CSPG5: variants seen among roughly 807,000 people sequenced by gnomAD.
CSPG5 encodes the protein acidic leucine-rich EGF-like domain-containing brain protein.
Under a neutral mutation model 39.8 loss-of-function variants are expected in CSPG5, and 25 were observed. The ratio of observed to expected loss-of-function variants is 0.63; its 90% CI spans 0.46 to 0.88. CSPG5 has a LOEUF of 0.88. Ranked by LOEUF, CSPG5 falls within the 40% of genes least tolerant of loss-of-function variation. The pLI, the probability that CSPG5 is intolerant of heterozygous loss-of-function variation, is 0.00. For missense variants in CSPG5, 627 were observed against 702.2 expected (o/e 0.89, Z 1.21); for synonymous variants, 295 against 303.9 (o/e 0.97, Z 0.31).
chr3:47,577,413 A>G lies in CSPG5; in HGVS notation c.613T>C (p.Ser205Pro). ...AAGTAGTCGATGTCAATGATATCTG[A>G]TGCCGGTTGGGGCTCCAGGGTGCCC... Reference protein sequence around the residue: ...FQGTLEPQPASDIIDIDYFEG... With the variant: ...FQGTLEPQPAPDIIDIDYFEG... Residue 205 changes from serine (S) to proline (P), a missense_variant, in exon 2 of 5, where the codon TCA becomes CCA. By Grantham distance (74) the Ser-to-Pro change is moderately conservative. Transcript: ENST00000264723. The surrounding 1 kb of genome is among the most constrained non-coding windows in gnomAD (Gnocchi z 4.7). 1 of 1,614,138 alleles carries G rather than the reference A, an allele frequency of 6.2e-7. No individual in the cohort carries two copies. The highest frequency in any genetic ancestry group is 8.5e-7 in the Non-Finnish European group (1 of 1,180,024).
intron 4 of CSPG5, 170 bp downstream of exon 4, chr3:47,568,982 C>G: frequency 7.9e-7 from 1 of 1,268,640 alleles, no homozygotes. Flanking sequence ...CCAGAGCTCT[C>G]TGGGGATTTC....
intron 4 of CSPG5, among the ~76,000 whole-genome samples, chr3:47,567,915 G>A (rs1026236755): frequency 4.6e-5 from 7 of 152,256 alleles, no homozygotes; most frequent in African/African-American, 1.7e-4. Flanking sequence ...AGGAGGCTGA[G>A]GCAGGGGTAT....
At chr3:47,569,338 T>C (rs1224528496) in intron 3 of CSPG5, 111 bp from the exon 4 acceptor site, 1 of 1,108,726 alleles carries the variant, frequency 9.0e-7, no homozygotes, top group Non-Finnish European at 1.3e-6. Context: ...GCGTGGTGGC[T>C]CGCGCCTGTA....
intron 4 of CSPG5, 113 bp downstream of exon 4, chr3:47,569,039 A>G: frequency 6.9e-7 from 1 of 1,453,868 alleles, no homozygotes; most frequent in Non-Finnish European, 9.1e-7. Flanking sequence ...CAAAGCATGC[A>G]TAAGAGGAGA....
intron 3 of CSPG5, among the ~76,000 whole-genome samples, chr3:47,569,791 A>G (rs1259254736): frequency 6.9e-6 from 1 of 145,026 alleles, no homozygotes; most frequent in East Asian, 2.0e-4. Flanking sequence ...TCTGTTGCCC[A>G]GGCTTGAGTG....
In CSPG5 at chr3:47,569,149, T is replaced by C. The variant is rs1157477383; in HGVS notation, c.1458+3A>G. The C allele has an allele frequency of 6.2e-7, 1 of 1,608,866 alleles. No homozygotes were observed. The highest frequency in any genetic ancestry group is 1.7e-5 in the Admixed American group (1 of 59,138). Reference sequence around the variant, plus strand: ...TACGGGGAGTGTTGCAAAGTTTCCTTACATTTGGGTGAGAGCCCTCGGCAA... The same window carrying C: ...TACGGGGAGTGTTGCAAAGTTTCCTCACATTTGGGTGAGAGCCCTCGGCAA... On this transcript the variant is annotated splice_donor_region_variant and intron_variant, in intron 4 of 4. Coordinates refer to ENST00000264723, the MANE Select transcript of CSPG5 (RefSeq NM_006574.4).
In CSPG5 at chr3:47,572,929, G is replaced by C. The variant is rs563398968; in HGVS notation, c.1194-55C>G. 9.3e-6 allele frequency: 14 copies of C among 1,510,922 alleles called. No homozygotes were observed. In the African/African-American group the frequency reaches 1.9e-4, roughly 21 times the overall value. The allele number at this position is 1,510,922 out of a possible 1,614,324, so 93.6% of individuals were successfully genotyped here. ...GATGGAGCAGGCAGCCACGGCCACA[G>C]TAAGGGCCTGGGCCCTGACCCCAAC... On this transcript the variant is annotated intron_variant, in intron 2 of 4. Transcript: ENST00000264723. The surrounding 1 kb of genome is among the most constrained non-coding windows in gnomAD (Gnocchi z 4.5).
At chr3:47,576,520 A>T (rs2031741153) in intron 2 of CSPG5, among the ~76,000 whole-genome samples, 1 of 146,370 alleles carries the variant, frequency 6.8e-6, no homozygotes, top group African/African-American at 2.5e-5. Flanking sequence ...GGGCAGTGGC[A>T]CGATCTTGGC....
rs1484555270 is a variant in CSPG5 at position 47,578,116 on chromosome 3, C to T, written c.98-188G>A. 10 of 916,700 alleles carry T rather than the reference C, an allele frequency of 1.1e-5. No individual in the cohort carries two copies. Among genetic ancestry groups the T allele is most frequent in the East Asian group, 3.4e-5 (1 of 29,756 alleles). 56.8% of individuals were successfully genotyped at this position (916,700 alleles called of 1,614,324 possible). A position where few individuals can be genotyped will look rare whatever the true frequency, so the allele number is the denominator to read the frequency against. On this transcript the variant is annotated intron_variant, in intron 1 of 4. Coordinates refer to ENST00000264723, the MANE Select transcript of CSPG5 (RefSeq NM_006574.4). The surrounding 1 kb of genome is among the most constrained non-coding windows in gnomAD (Gnocchi z 6.0). The stretch of plus-strand genomic sequence containing the variant: ...CTAAGCCCCGTCCCGGAGTCTGCCC[C>T]CAAGACGAGGATCACACCCCGCCCA...
chr3:47,570,600 A>G (rs577559306), intron 3 of CSPG5, among the ~76,000 whole-genome samples: 1 of 150,858 alleles, frequency 6.6e-6, no homozygotes, highest in East Asian at 1.9e-4. Context: ...ACCTCCACCT[A>G]CTGGGTTCAA....
At chr3:47,562,864 G>A in intron 4 of CSPG5, 103 bp from the exon 5 acceptor site, 1 of 1,239,736 alleles carries the variant, frequency 8.1e-7, no homozygotes, top group Non-Finnish European at 1.1e-6. Flanking sequence ...ACTGAAACAA[G>A]GAAAAAGCTC....
intron 3 of CSPG5, among the ~76,000 whole-genome samples, chr3:47,570,038 T>C (rs1336071480): frequency 1.3e-5 from 2 of 152,110 alleles, no homozygotes; most frequent in African/African-American, 4.8e-5. Context: ...TGTGAGCCAC[T>C]GCGCCCAGTC....
In CSPG5 at chr3:47,562,435, T is replaced by TA. The variant is rs1300765455; in HGVS notation, c.*164dup. 7 of 516,302 alleles carry TA rather than the reference T, an allele frequency of 1.4e-5. No homozygotes were observed. The East Asian group carries it at 2.4e-4, about 18-fold the overall frequency. 32.0% of individuals were successfully genotyped at this position (516,302 alleles called of 1,614,324 possible). On this transcript the variant is annotated 3_prime_UTR_variant, in exon 5 of 5. Transcript: ENST00000264723. ...GTTCAGTTTCTTTGCTTATTTTAAG[T>TA]ATTTTTTTGCCTCCTGTACAAAATA... is the stretch of plus-strand genomic sequence containing the variant.
intron 4 of CSPG5, 24 bp from the exon 5 acceptor site, chr3:47,562,785 G>C (rs371137351): frequency 4.1e-5 from 65 of 1,581,098 alleles, no homozygotes; most frequent in Middle Eastern, 2.0e-4. Flanking sequence ...AAAGTTGGGG[G>C]GGGGGAGACA....
chr3:47,576,933 G>A lies in CSPG5; in HGVS notation c.1093C>T (p.Arg365Trp), dbSNP rs372995316. ...ACTGACCGGCAGGAGCCGTTATGCC[G>A]CACAAAGCCACTGCGGCACTCAGTG... Reference protein sequence around the residue: ...NGTECRSGFVRHNGSCRSVCD... With the variant: ...NGTECRSGFVWHNGSCRSVCD... The change falls in exon 2 of 5, where the codon CGG (arginine) becomes TGG (tryptophan). Residue 365 changes from arginine (R) to tryptophan (W), a missense_variant. Transcript: ENST00000264723. 6.2e-7 allele frequency: 1 copy of A among 1,613,062 alleles called. No homozygotes were observed. Among genetic ancestry groups the A allele is most frequent in the South Asian group, 1.1e-5 (1 of 90,958 alleles).
Position 47,562,748 on chromosome 3 carries a change from G to A in CSPG5, c.1472C>T (p.Ala491Val). 7.5e-6 allele frequency: 12 copies of A among 1,610,450 alleles called. No homozygotes were observed. Among genetic ancestry groups the A allele is most frequent in the Non-Finnish European group, 1.0e-5 (12 of 1,178,240 alleles). ...GAGAACCTCCTGGATTTTGTGGGGA[G>A]CACTAGGATCATCCTGGAAGAGGGA... ...EGSHPNDDPS[A>V]PHKIQEVLKS... Residue 491 changes from alanine (A) to valine (V), a missense_variant, in exon 5 of 5, where the codon GCT becomes GTT. Ala to Val is a moderately conservative substitution (Grantham distance 64). Coordinates refer to ENST00000264723, the MANE Select transcript of CSPG5 (RefSeq NM_006574.4).
At position 47,578,600 on chromosome 3, in the gene CSPG5, G is replaced by A. The variant is rs1265537776; in HGVS notation, c.94C>T (p.Pro32Ser). Reference sequence around the variant, plus strand: ...TCCCGGGCGCAGTCATACCTACCCGGCACGGCCCCAGAGGCCAGGACCAGC... The same window carrying A: ...TCCCGGGCGCAGTCATACCTACCCGACACGGCCCCAGAGGCCAGGACCAGC... Reference protein sequence around the residue: ...AALVLASGAVPAREAGSAVEA... With the variant: ...AALVLASGAVSAREAGSAVEA... Residue 32 changes from proline (P) to serine (S), a missense_variant, in exon 1 of 5, where the codon CCG (proline) becomes TCG (serine). Coordinates refer to ENST00000264723, the MANE Select transcript of CSPG5 (RefSeq NM_006574.4). The surrounding 1 kb of genome is among the most constrained non-coding windows in gnomAD (Gnocchi z 6.0). 4 of 1,144,556 alleles carry A rather than the reference G, an allele frequency of 3.5e-6. No individual in the cohort carries two copies. The highest frequency in any genetic ancestry group is 4.3e-6 in the Non-Finnish European group (4 of 926,492). The allele number at this position is 1,144,556 out of a possible 1,614,324, so 70.9% of individuals were successfully genotyped here.
intron 3 of CSPG5, among the ~76,000 whole-genome samples, chr3:47,570,728 G>C (rs1300998949): frequency 6.6e-6 from 1 of 151,820 alleles, no homozygotes; most frequent in Non-Finnish European, 1.5e-5. Flanking sequence ...GGCTGGTCTT[G>C]AACTCCTGAC....
chr3:47,563,623 C>T (rs540917731), intron 4 of CSPG5, among the ~76,000 whole-genome samples: 2 of 151,028 alleles, frequency 1.3e-5, no homozygotes, highest in African/African-American at 2.4e-5. Flanking sequence ...AGTGTGATCT[C>T]GGCTCACTGC....
Sources: gnomAD v4.1 joint callset for allele counts (sites outside exome capture counted in the v4.1 genomes callset) on GRCh38, gnomAD v4.1.1 for gene constraint, Gnocchi (gnomAD v3.1) non-coding constraint, MANE v1.5 for transcripts, NCBI Gene and HGNC (gene_info 2026-07-23, HGNC 2026-07-21) for gene names.